CDH12: variants seen among roughly 807,000 people sequenced by gnomAD.
The protein encoded by CDH12 is cadherin 12, also known as cadherin-12.
In CDH12, 41 loss-of-function variants were observed where a neutral mutation model predicts 74.1. The observed-to-expected ratio is 0.55, with a 90% confidence interval of 0.43 to 0.72. The LOEUF (loss-of-function observed/expected upper bound fraction) is 0.72, where lower values mean the gene tolerates loss of function less well. Among genes scored for constraint, CDH12 ranks in the 30% least tolerant of loss-of-function variants. The probability of loss-of-function intolerance (pLI) is 0.00; values close to 1 mark genes in which losing one functional copy is unlikely to be tolerated. For synonymous variants in CDH12, 399 were observed against 355.0 expected, an observed-to-expected ratio of 1.12 and a Z score of -1.39; for missense variants, 945 against 977.2, an observed-to-expected ratio of 0.97 and a Z score of 0.44.
chr5:22,693,375 G>T (rs1411661112), intron 1 of CDH12, among the ~76,000 whole-genome samples: 1 of 152,146 alleles, frequency 6.6e-6, no homozygotes, highest in Non-Finnish European at 1.5e-5. Context: ...TGTGGGGACT[G>T]GCGGGGGTGT....
intron 3 of CDH12, among the ~76,000 whole-genome samples, chr5:22,283,871 G>A (rs141181902): frequency 4.3e-4 from 66 of 152,078 alleles, no homozygotes; most frequent in Non-Finnish European, 8.7e-4. Context: ...ATCACATTTT[G>A]TACCACCAAT....
intron 4 of CDH12, among the ~76,000 whole-genome samples, chr5:22,135,559 C>G (rs2150291871): frequency 6.6e-6 from 1 of 152,082 alleles, no homozygotes; most frequent in Non-Finnish European, 1.5e-5. Flanking sequence ...AGAGGAATCT[C>G]TAAATTTAAC....
intron 6 of CDH12, among the ~76,000 whole-genome samples, chr5:21,913,192 A>G (rs1184554904): frequency 1.3e-5 from 2 of 152,146 alleles, no homozygotes; most frequent in African/African-American, 2.4e-5. Flanking sequence ...TCTAGTTTCT[A>G]TGGCTCATCT....
At position 22,125,098 on chromosome 5, in the gene CDH12, A is replaced by AT. The variant is rs200874531; in HGVS notation, c.-186-46237dup. Among the ~76,000 whole-genome samples the AT allele has an allele frequency of 1.9e-3, 286 of 147,318 alleles. 2 individuals are homozygous for AT. The highest frequency in any genetic ancestry group is 7.9e-3 in the East Asian group (40 of 5,036). On this transcript the variant is annotated intron_variant, in intron 4 of 14. Transcript: ENST00000382254. ...TCAAGATTCGGGGTTTGATACAACCATTTTTTTTTTTAACTTTAAATTCTG... is the reference window on the plus strand; with the variant it reads ...TCAAGATTCGGGGTTTGATACAACCATTTTTTTTTTTTAACTTTAAATTCTG...
chr5:22,369,192 G>T (rs930372184), intron 3 of CDH12, among the ~76,000 whole-genome samples: 1 of 150,636 alleles, frequency 6.6e-6, no homozygotes, highest in Non-Finnish European at 1.5e-5. Flanking sequence ...GAAATTTGAT[G>T]TCCCTTACAC....
intron 1 of CDH12, among the ~76,000 whole-genome samples, chr5:22,840,636 T>TATA (rs1324588010): frequency 2.6e-5 from 4 of 152,006 alleles, no homozygotes; most frequent in African/African-American, 9.7e-5. Context: ...TCTCTTGAAA[T>TATA]ATATGAGCAC....
At chr5:22,404,887 ACT>A (rs2126457411) in intron 3 of CDH12, among the ~76,000 whole-genome samples, 1 of 152,226 alleles carries the variant, frequency 6.6e-6, no homozygotes, top group African/African-American at 2.4e-5. Context: ...TAAATTAATG[ACT>A]CTTCATGGTT....
At chr5:21,807,209 TG>T (rs565090298) in intron 9 of CDH12, among the ~76,000 whole-genome samples, 1 of 152,054 alleles carries the variant, frequency 6.6e-6, no homozygotes, top group Non-Finnish European at 1.5e-5. Context: ...GGACTCAGCA[TG>T]GGGGGGACTG....
chr5:22,068,883 C>G (rs917632672), intron 5 of CDH12, among the ~76,000 whole-genome samples: 1 of 152,200 alleles, frequency 6.6e-6, no homozygotes, highest in Non-Finnish European at 1.5e-5. Flanking sequence ...CTCACCAAAG[C>G]TGACCTGGCT....
At chr5:22,006,460 C>G (rs1207999357) in intron 5 of CDH12, among the ~76,000 whole-genome samples, 1 of 151,912 alleles carries the variant, frequency 6.6e-6, no homozygotes, top group Non-Finnish European at 1.5e-5. Flanking sequence ...TCAGTCTCTA[C>G]CCAGATGTCT....
At chr5:22,573,299 A>G (rs1455298859) in intron 1 of CDH12, among the ~76,000 whole-genome samples, 4 of 152,280 alleles carry the variant, frequency 2.6e-5, no homozygotes, top group South Asian at 4.1e-4. Context: ...CTCATTTTTT[A>G]AAATCTAACT....
At chr5:22,558,424 A>G (rs1369232930) in intron 1 of CDH12, among the ~76,000 whole-genome samples, 2 of 152,104 alleles carry the variant, frequency 1.3e-5, no homozygotes, top group Admixed American at 1.3e-4. Flanking sequence ...AAAATAAGGT[A>G]GCTATTATGG....
intron 3 of CDH12, among the ~76,000 whole-genome samples, chr5:22,262,009 T>A (rs1430871934): frequency 6.6e-6 from 1 of 151,974 alleles, no homozygotes; most frequent in Non-Finnish European, 1.5e-5. Context: ...ACGATACAAA[T>A]CTCAGAAATG....
chr5:22,630,453 A>G (rs1262636567), intron 1 of CDH12, among the ~76,000 whole-genome samples: 6 of 152,120 alleles, frequency 3.9e-5, no homozygotes, highest in Non-Finnish European at 8.8e-5. Context: ...AGTCATATAG[A>G]CCCACGGAAC....
intron 1 of CDH12, among the ~76,000 whole-genome samples, chr5:22,653,561 C>G (rs2126886789): frequency 6.6e-6 from 1 of 152,240 alleles, no homozygotes; most frequent in East Asian, 1.9e-4. Context: ...TATTCTGACT[C>G]TCATATCATA....
At chr5:22,232,988 T>G (rs930830100) in intron 3 of CDH12, among the ~76,000 whole-genome samples, 1 of 151,034 alleles carries the variant, frequency 6.6e-6, no homozygotes, top group Non-Finnish European at 1.5e-5. Context: ...CTGGGCTTGG[T>G]GTGCTAGTCT....
rs529374374 is a variant in CDH12 at position 22,237,178 on chromosome 5, T to A, written c.-332-24535A>T. 6.6e-5 allele frequency among the ~76,000 whole-genome samples: 10 copies of A among 152,206 alleles called. No individual in the cohort carries two copies. In the South Asian group the frequency reaches 2.1e-3, roughly 32 times the overall value. On this transcript the variant is annotated intron_variant, in intron 3 of 14. Transcript: ENST00000382254. ...GGTGAGTCATGTGCACACTACAACA[T>A]TCGAATTTTTCAGTTCCATTATGAT...
intron 5 of CDH12, among the ~76,000 whole-genome samples, chr5:22,023,331 C>T (rs4519895): frequency 0.35 from 53,523 of 151,798 alleles, 12,309 homozygotes; most frequent in African/African-American, 0.66. Context: ...TTATTTCTTG[C>T]CTTCATTATA....
chr5:22,280,974 A>G (rs1479373496), intron 3 of CDH12, among the ~76,000 whole-genome samples: 5 of 152,208 alleles, frequency 3.3e-5, no homozygotes, highest in Non-Finnish European at 7.3e-5. Context: ...AAAATCCTCA[A>G]TAAAATACTG....
Sources: allele counts gnomAD v4.1 joint callset (sites outside exome capture counted in the v4.1 genomes callset), GRCh38; gene constraint gnomAD v4.1.1; transcripts MANE v1.5; gene names NCBI Gene and HGNC (gene_info 2026-07-23, HGNC 2026-07-21).